PCSK6: variants seen among roughly 807,000 people sequenced by gnomAD.
PCSK6 encodes the protein proprotein convertase subtilisin/kexin type 6.
In PCSK6, 85 loss-of-function variants were observed where a neutral mutation model predicts 123.3. The observed-to-expected ratio is 0.69, with a 90% CI of 0.58 to 0.83. The LOEUF (loss-of-function observed/expected upper bound fraction) is 0.83, where lower values mean the gene tolerates loss of function less well. Ranked by LOEUF, PCSK6 falls within the 40% of genes least tolerant of loss-of-function variation. PCSK6 has a pLI of 0.00. For missense variants in PCSK6, 1,191 were observed against 1,282.3 expected (o/e 0.93, Z 1.09); for synonymous variants, 508 against 516.0 (o/e 0.98, Z 0.21).
At chr15:101,336,877 T>G (rs2040490215) in intron 13 of PCSK6, 1 of 152,266 alleles carries the variant, frequency 6.6e-6, no homozygotes, top group Admixed American at 6.5e-5. Context: ...GAAGAAGCAG[T>G]GGGACCAAAG....
chr15:101,386,830 T>C (rs1424968321), intron 9 of PCSK6, among the ~76,000 whole-genome samples: 1 of 152,234 alleles, frequency 6.6e-6, no homozygotes, highest in Non-Finnish European at 1.5e-5. Context: ...GTCCCTGCTT[T>C]CAATCCTGGA....
chr15:101,346,982 A>C (rs1479761568), intron 13 of PCSK6: 7 of 1,231,592 alleles, frequency 5.7e-6, no homozygotes, highest in Non-Finnish European at 7.1e-6. Context: ...AGAGAAAAGG[A>C]GGTAAAGAGA....
chr15:101,341,236 C>G (rs544961498), intron 13 of PCSK6, among the ~76,000 whole-genome samples: 46 of 142,652 alleles, frequency 3.2e-4, no homozygotes, highest in African/African-American at 1.1e-3. Flanking sequence ...CGCGCCTGGC[C>G]AAAAGTGTGG....
At chr15:101,443,789 C>T in intron 1 of PCSK6, 129 bp from the exon 2 acceptor site, 1 of 692,698 alleles carries the variant, frequency 1.4e-6, no homozygotes, top group Non-Finnish European at 2.6e-6. Context: ...CCCTCCATCA[C>T]CCTGCTCCTC....
At chr15:101,403,015 C>A (rs1472240157) in intron 6 of PCSK6, among the ~76,000 whole-genome samples, 2 of 152,022 alleles carry the variant, frequency 1.3e-5, no homozygotes, top group African/African-American at 2.4e-5. Context: ...AGACTTGGAA[C>A]CAACCCAAAT....
intron 1 of PCSK6, among the ~76,000 whole-genome samples, chr15:101,472,887 A>G (rs2057640368): frequency 1.3e-5 from 2 of 152,224 alleles, no homozygotes; most frequent in African/African-American, 4.8e-5. Context: ...GAGAAAGTGG[A>G]AAGATCCTCT....
intron 2 of PCSK6, 91 bp from the exon 3 acceptor site, chr15:101,432,191 G>A (rs546573718): frequency 5.1e-5 from 50 of 975,142 alleles, no homozygotes; most frequent in Non-Finnish European, 7.0e-5. Context: ...TTCCTTGTGC[G>A]TGAATATCTG....
intron 1 of PCSK6, among the ~76,000 whole-genome samples, chr15:101,458,760 T>G (rs974732654): frequency 1.3e-5 from 2 of 152,146 alleles, no homozygotes; most frequent in African/African-American, 4.8e-5. Context: ...TCATTCACGC[T>G]CTCTGCGACG....
chr15:101,393,656 G>A (rs1245617885), intron 7 of PCSK6, among the ~76,000 whole-genome samples: 2 of 152,154 alleles, frequency 1.3e-5, no homozygotes, highest in East Asian at 1.9e-4. Context: ...AGGATCATAC[G>A]AGGGGAAGGG....
chr15:101,471,917 G>A (rs1347013375), intron 1 of PCSK6, among the ~76,000 whole-genome samples: 1 of 152,134 alleles, frequency 6.6e-6, no homozygotes, highest in African/African-American at 2.4e-5. Context: ...ACGTTGTTAT[G>A]CATGCTGGTT....
At chr15:101,408,436 G>T (rs916998245) in intron 6 of PCSK6, among the ~76,000 whole-genome samples, 6 of 152,214 alleles carry the variant, frequency 3.9e-5, no homozygotes, top group Admixed American at 3.9e-4. Flanking sequence ...ATTCTCTGCG[G>T]GTGTCTGCAG....
intron 1 of PCSK6, among the ~76,000 whole-genome samples, chr15:101,447,825 G>A (rs373502859): frequency 5.3e-5 from 8 of 152,328 alleles, no homozygotes; most frequent in Non-Finnish European, 8.8e-5. Context: ...ACTACGCACC[G>A]CTTCTCCAGC....
rs2041392737 is a variant in PCSK6, at chr15:101,366,407, GGGCTCTCGGGGGACTGTAT to G, written c.1722-94_1722-76del. 13 of 1,471,792 alleles carry G rather than the reference GGGCTCTCGGGGGACTGTAT, an allele frequency of 8.8e-6. 1 individual carries two copies. In the South Asian group the frequency reaches 1.3e-4, roughly 14 times the overall value. The allele number at this position is 1,471,792 out of a possible 1,614,324, so 91.2% of individuals were successfully genotyped here. On this transcript the variant is annotated intron_variant, in intron 12 of 21. Coordinates refer to ENST00000611716, the MANE Select transcript of PCSK6 (RefSeq NM_002570.5). ...CTGGGCGGAGGGGCTGGCACAAGCA[GGGCTCTCGGGGGACTGTAT>G]GACCTGGCTGGACCGTACCCCCAGG...
chr15:101,350,238 G>T (rs1179253228), intron 13 of PCSK6, among the ~76,000 whole-genome samples: 8 of 152,164 alleles, frequency 5.3e-5, no homozygotes, highest in Admixed American at 2.0e-4. Flanking sequence ...TACTACAAAT[G>T]TTGACTATCT....
intron 19 of PCSK6, among the ~76,000 whole-genome samples, chr15:101,316,889 G>T (rs2040001080): frequency 6.8e-6 from 1 of 146,632 alleles, no homozygotes; most frequent in East Asian, 2.0e-4. Flanking sequence ...ATGGAAACTG[G>T]TTTAGCAGAG....
chr15:101,322,632 A>G (rs763074604), intron 17 of PCSK6, 25 bp from the exon 18 acceptor site: 87 of 1,439,160 alleles, frequency 6.0e-5, no homozygotes, highest in Admixed American at 2.9e-4. Context: ...CGAGATAAGA[A>G]AAGAGAAGGG....
In PCSK6 at chr15:101,313,363, A is replaced by T; in HGVS notation, c.2699+13T>A. 6.2e-7 allele frequency: 1 copy of T among 1,612,686 alleles called. No individual in the cohort carries two copies. Among genetic ancestry groups the T allele is most frequent in the South Asian group, 1.1e-5 (1 of 91,082 alleles). On this transcript the variant is annotated intron_variant, in intron 20 of 21. Coordinates refer to ENST00000611716, the MANE Select transcript of PCSK6 (RefSeq NM_002570.5). Reference sequence around the variant, plus strand: ...ACACAGCTGCCTGCCGTTCCCCGCCAGGAGGACCGTACCTTCGACACACTT... The same window carrying T: ...ACACAGCTGCCTGCCGTTCCCCGCCTGGAGGACCGTACCTTCGACACACTT...
intron 12 of PCSK6, among the ~76,000 whole-genome samples, chr15:101,367,496 AG>A (rs2041436107): frequency 6.6e-6 from 1 of 152,208 alleles, no homozygotes; most frequent in South Asian, 2.1e-4. Flanking sequence ...GAGAAGAGTG[AG>A]GGGGAAGCAT....
At chr15:101,387,941 GAT>G (rs974159683) in intron 9 of PCSK6, among the ~76,000 whole-genome samples, 3 of 152,226 alleles carry the variant, frequency 2.0e-5, no homozygotes, top group African/African-American at 7.2e-5. Flanking sequence ...TGTTCCAAAT[GAT>G]GTTTGCCTGA....
Sources: gnomAD v4.1 joint callset for allele counts (sites outside exome capture counted in the v4.1 genomes callset) on GRCh38, gnomAD v4.1.1 for gene constraint, MANE v1.5 for transcripts, NCBI Gene and HGNC (gene_info 2026-07-23, HGNC 2026-07-21) for gene names.